PLEKHA7: variants seen among roughly 807,000 people sequenced by gnomAD.
The protein encoded by PLEKHA7 is pleckstrin homology domain-containing family A member 7.
Under a neutral mutation model 170.0 loss-of-function variants are expected in PLEKHA7, and 104 were observed. That is an observed-to-expected ratio of 0.61 (90% CI 0.52 to 0.72). The LOEUF is 0.72. Ranked by LOEUF, PLEKHA7 falls within the 30% of genes least tolerant of loss-of-function variation. The pLI is 0.00. For synonymous variants in PLEKHA7, 648 were observed against 660.8 expected, an observed-to-expected ratio of 0.98 and a Z score of 0.30; for missense variants, 1,615 against 1,671.7, an observed-to-expected ratio of 0.97 and a Z score of 0.59.
Position 16,783,794 on chromosome 11 carries a change from C to T in PLEKHA7, c.3556G>A (p.Val1186Met), listed in dbSNP as rs139712652. Residue 1186 changes from valine to methionine, a missense_variant, in exon 25 of 27, where the codon GTG (valine) becomes ATG (methionine). Transcript: ENST00000531066. The part of the protein sequence containing the change: ...PEKVSIPERY[V>M]ELDPEEPPSL... ...GGTGGCTCTTCGGGATCTAGCTCCA[C>T]GTAGCGCTCAGGGATTGACACCTTC... 9.3e-6 allele frequency: 14 copies of T among 1,512,086 alleles called. No homozygotes were observed. Among genetic ancestry groups the T allele is most frequent in the African/African-American group, 2.8e-5 (2 of 71,822 alleles). The allele number at this position is 1,512,086 out of a possible 1,614,324, so 93.7% of individuals were successfully genotyped here.
Position 16,789,833 on chromosome 11 carries a change from G to A in PLEKHA7, c.3098C>T (p.Ala1033Val), listed in dbSNP as rs759667987. The change falls in exon 22 of 27, where the codon GCT becomes GTT. Residue 1033 changes from alanine (A) to valine (V), a missense_variant. Ala to Val is a moderately conservative substitution (Grantham distance 64, BLOSUM62 0). Coordinates refer to ENST00000531066, the MANE Select transcript of PLEKHA7 (RefSeq NM_001329630.2). The surrounding 1 kb of genome is among the most constrained non-coding windows in gnomAD (Gnocchi z 4.6). ...TSRLQQSSTIAPYVTLRRGLN... is the reference protein window; with the variant it reads ...TSRLQQSSTIVPYVTLRRGLN... ...ACCCCTCCGGAGTGTGACGTAGGGA[G>A]CAATGGTGGACGACTGCTGGAGCCT... The A allele has an allele frequency of 6.2e-6, 10 of 1,614,164 alleles. No homozygotes were observed. In the South Asian group the frequency reaches 9.9e-5, roughly 16 times the overall value.
At chr11:16,872,974 T>TC (rs201805383) in intron 3 of PLEKHA7, among the ~76,000 whole-genome samples, 3 of 151,940 alleles carry the variant, frequency 2.0e-5, no homozygotes, top group East Asian at 1.9e-4. Context: ...TTTAGGTGCC[T>TC]CCCCCCCACT....
intron 3 of PLEKHA7, among the ~76,000 whole-genome samples, chr11:16,902,923 T>G: frequency 6.6e-6 from 1 of 152,210 alleles, no homozygotes; most frequent in East Asian, 1.9e-4. Flanking sequence ...AATCCATAAA[T>G]GCTTTGAAAC....
In PLEKHA7 at chr11:16,794,757, AC is replaced by A. The variant is rs756164160; in HGVS notation, c.2519-44del. The stretch of plus-strand genomic sequence containing the variant: ...AAACAAAGCACGGGATGGAACAAAG[AC>A]CCCCTTCCTTGGAGGATGAGTGGAG... On this transcript the variant is annotated intron_variant, in intron 18 of 26. Transcript: ENST00000531066. The A allele has an allele frequency of 5.5e-5, 88 of 1,592,272 alleles. No individual in the cohort carries two copies. In the East Asian group the frequency reaches 1.9e-3, roughly 34 times the overall value.
chr11:16,991,179 AG>A (rs1864022510), intron 3 of PLEKHA7, among the ~76,000 whole-genome samples: 1 of 152,096 alleles, frequency 6.6e-6, no homozygotes, highest in South Asian at 2.1e-4. Flanking sequence ...AGATGCAGGG[AG>A]GGACCTCTCA....
chr11:17,013,945 C>A (rs1565209398), intron 3 of PLEKHA7, 44 bp downstream of exon 3: 9 of 1,452,784 alleles, frequency 6.2e-6, no homozygotes, highest in African/African-American at 1.7e-5. Context: ...GAGGGACCCC[C>A]CCCCCGCGGC....
chr11:16,831,615 A>G (rs1230340611), intron 9 of PLEKHA7, among the ~76,000 whole-genome samples: 1 of 152,218 alleles, frequency 6.6e-6, no homozygotes, highest in East Asian at 1.9e-4. Context: ...TTTTGGCCAT[A>G]TGTGTCACTT....
At chr11:16,953,627 C>T (rs1861532960) in intron 3 of PLEKHA7, among the ~76,000 whole-genome samples, 1 of 152,120 alleles carries the variant, frequency 6.6e-6, no homozygotes, top group African/African-American at 2.4e-5. Context: ...AAAACTTACA[C>T]AAAGTTTATA....
intron 24 of PLEKHA7, 108 bp from the exon 25 acceptor site, chr11:16,783,941 CA>C (rs1455453749): frequency 2.6e-6 from 3 of 1,162,918 alleles, no homozygotes; most frequent in Admixed American, 4.1e-5. Context: ...GCAGAGTCCA[CA>C]GAGACTAAGT....
chr11:16,857,078 A>G (rs966036863), intron 4 of PLEKHA7, among the ~76,000 whole-genome samples: 4 of 152,238 alleles, frequency 2.6e-5, no homozygotes, highest in African/African-American at 9.6e-5. Context: ...ATGAGGGAAC[A>G]TCCTAGTTTC....
Position 16,905,816 on chromosome 11 carries a change from A to G in PLEKHA7, c.222-34634T>C, listed in dbSNP as rs376620066. The stretch of plus-strand genomic sequence containing the variant: ...CGACCCCATCTGAACTCAAAGCTAC[A>G]AACACTTTCAATATGAAGTGTTTAA... On this transcript the variant is annotated intron_variant, in intron 3 of 26. Coordinates refer to ENST00000531066, the MANE Select transcript of PLEKHA7 (RefSeq NM_001329630.2). 3.9e-4 allele frequency among the ~76,000 whole-genome samples: 59 copies of G among 152,366 alleles called. No individual in the cohort carries two copies. In the South Asian group the frequency reaches 0.012, roughly 30 times the overall value.
intron 17 of PLEKHA7, among the ~76,000 whole-genome samples, chr11:16,796,045 G>A (rs1026283595): frequency 3.3e-5 from 5 of 151,732 alleles, no homozygotes; most frequent in African/African-American, 1.2e-4. Flanking sequence ...TTTCAGTAGA[G>A]ACGCGGTTTC....
rs529995523 is a variant in PLEKHA7 at position 16,831,387 on chromosome 11, G to T, written c.873-4797C>A. Among the ~76,000 whole-genome samples, 3 of 152,240 alleles carry T rather than the reference G, an allele frequency of 2.0e-5. No individual in the cohort carries two copies. In the South Asian group the frequency reaches 6.2e-4, roughly 32 times the overall value. On this transcript the variant is annotated intron_variant, in intron 9 of 26. Coordinates refer to ENST00000531066, the MANE Select transcript of PLEKHA7 (RefSeq NM_001329630.2). ...GTCACAAAACAGATCTGCAATGCTCGATTTAGCACAACGATGGGAAGGAAT... is the reference window on the plus strand; with the variant it reads ...GTCACAAAACAGATCTGCAATGCTCTATTTAGCACAACGATGGGAAGGAAT...
At chr11:16,837,685 G>A (rs1039130840) in intron 9 of PLEKHA7, among the ~76,000 whole-genome samples, 2 of 151,978 alleles carry the variant, frequency 1.3e-5, no homozygotes, top group Non-Finnish European at 2.9e-5. Context: ...ATACATGGGG[G>A]TTTAAAAAAA....
At chr11:16,833,048 T>C (rs917994605) in intron 9 of PLEKHA7, among the ~76,000 whole-genome samples, 3 of 152,174 alleles carry the variant, frequency 2.0e-5, no homozygotes, top group African/African-American at 7.2e-5. Flanking sequence ...GTTCCTAGCA[T>C]TTGAGGAAGG....
intron 3 of PLEKHA7, among the ~76,000 whole-genome samples, chr11:17,002,399 A>G (rs1864718356): frequency 6.6e-6 from 1 of 151,960 alleles, no homozygotes; most frequent in Non-Finnish European, 1.5e-5. Flanking sequence ...ACAAAACCTC[A>G]ACACTTAAAG....
At chr11:16,813,024 TG>T in intron 13 of PLEKHA7, 88 bp downstream of exon 13, 1 of 1,106,302 alleles carries the variant, frequency 9.0e-7, no homozygotes, top group African/African-American at 1.5e-5. Context: ...AAGACCTGTC[TG>T]GCCTTTGGCT....
chr11:16,949,719 T>C (rs1861282402), intron 3 of PLEKHA7, among the ~76,000 whole-genome samples: 1 of 152,140 alleles, frequency 6.6e-6, no homozygotes, highest in South Asian at 2.1e-4. Flanking sequence ...AGAGTCTATC[T>C]AGCACAGGAG....
chr11:16,829,309 C>CG (rs1037912618), intron 9 of PLEKHA7, among the ~76,000 whole-genome samples: 5 of 152,088 alleles, frequency 3.3e-5, no homozygotes, highest in African/African-American at 1.2e-4. Context: ...GCCACCCTGC[C>CG]GGGGGCCTAA....
Sources: allele counts gnomAD v4.1 joint callset (sites outside exome capture counted in the v4.1 genomes callset), GRCh38; gene constraint gnomAD v4.1.1; non-coding constraint Gnocchi (gnomAD v3.1); transcripts MANE v1.5; gene names NCBI Gene and HGNC (gene_info 2026-07-23, HGNC 2026-07-21).